SERPINI2: variants seen among roughly 807,000 people sequenced by gnomAD.
The protein encoded by SERPINI2 is serpin family I member 2.
A neutral mutation model predicts 47.3 loss-of-function variants in SERPINI2; 48 were observed. That is an observed-to-expected ratio of 1.02 (90% CI 0.81 to 1.29). SERPINI2 has a LOEUF of 1.29. Among genes scored for constraint, SERPINI2 ranks in the 50% most tolerant of loss-of-function variants. The pLI, the probability that SERPINI2 is intolerant of heterozygous loss-of-function variation, is 0.00. For missense variants in SERPINI2, 448 were observed against 456.9 expected (o/e 0.98, Z 0.18); for synonymous variants, 135 against 149.3 (o/e 0.90, Z 0.70).
upstream of SERPINI2, among the ~76,000 whole-genome samples, chr3:167,474,766 AATT>A (rs1750443047): frequency 6.6e-6 from 1 of 151,742 alleles, no homozygotes; most frequent in African/African-American, 2.4e-5. Context: ...AAAATTGCAT[AATT>A]TAATGGGTTT....
chr3:167,468,544 C>T (rs906137493), intron 2 of SERPINI2, among the ~76,000 whole-genome samples: 1 of 152,022 alleles, frequency 6.6e-6, no homozygotes, highest in South Asian at 2.1e-4. Flanking sequence ...AAGTATACTG[C>T]ATTATATTTC....
intron 8 of SERPINI2, 67 bp downstream of exon 8, chr3:167,446,325 A>G: frequency 9.8e-7 from 1 of 1,020,804 alleles, no homozygotes; most frequent in Non-Finnish European, 1.5e-6. Context: ...TGTACATTGC[A>G]ATTAGAAACT....
chr3:167,446,323 G>C (rs1577166656), intron 8 of SERPINI2, 69 bp downstream of exon 8: 3 of 985,516 alleles, frequency 3.0e-6, no homozygotes, highest in Non-Finnish European at 1.6e-6. Flanking sequence ...TATGTACATT[G>C]CAATTAGAAA....
intron 7 of SERPINI2, 99 bp downstream of exon 7, chr3:167,449,217 G>A (rs1180858360): frequency 1.2e-6 from 1 of 813,598 alleles, no homozygotes; most frequent in Non-Finnish European, 2.1e-6. Context: ...GACAGCAGAA[G>A]AGAAAAAGAA....
intron 5 of SERPINI2, among the ~76,000 whole-genome samples, chr3:167,459,414 T>C (rs906770415): frequency 6.6e-6 from 1 of 152,122 alleles, no homozygotes; most frequent in African/African-American, 2.4e-5. Context: ...AAGGATCTCA[T>C]ACTACATTTA....
At chr3:167,452,892 A>C in intron 6 of SERPINI2, 44 bp downstream of exon 6, 1 of 1,298,988 alleles carries the variant, frequency 7.7e-7, no homozygotes, top group Non-Finnish European at 1.1e-6. Context: ...TAGTCCTAAC[A>C]AAACAAATTA....
At chr3:167,446,716 T>G (rs1749489894) in intron 7 of SERPINI2, 2 of 264,394 alleles carry the variant, frequency 7.6e-6, no homozygotes, top group Non-Finnish European at 1.4e-5. Flanking sequence ...GTATGCTCAA[T>G]GAAGAAGCAA....
chr3:167,467,306 A>G, intron 2 of SERPINI2, 21 bp from the exon 3 acceptor site: 1 of 1,503,352 alleles, frequency 6.7e-7, no homozygotes, highest in Non-Finnish European at 9.2e-7. Context: ...ATTTTAATGT[A>G]TATTGGCATA....
In SERPINI2 at chr3:167,449,406, G is replaced by GT. The variant is rs762762791; in HGVS notation, c.965-5dup. The GT allele has an allele frequency of 1.0e-5, 16 of 1,580,970 alleles. No individual in the cohort carries two copies. In the Middle Eastern group the frequency reaches 5.0e-4, roughly 49 times the overall value. ...GAAACATACACTTCAGATGAATCTG[G>GT]TTAAAAAAAAATACACAAAAGTGTA... On this transcript the variant is annotated splice_polypyrimidine_tract_variant and splice_region_variant and intron_variant, in intron 6 of 8. Coordinates refer to ENST00000264677, the Ensembl canonical transcript of SERPINI2.
intron 5 of SERPINI2, among the ~76,000 whole-genome samples, chr3:167,458,245 CTTTTTTTTTTTTTT>C (rs949215365): frequency 9.5e-6 from 1 of 105,218 alleles, no homozygotes; most frequent in African/African-American, 3.9e-5. Flanking sequence ...GAATTTCTTT[CTTTTTTTTTTTTTT>C]TTTTTTTTTG....
At chr3:167,476,803 A>G (rs576573780), upstream of SERPINI2, among the ~76,000 whole-genome samples, 2 of 152,138 alleles carry the variant, frequency 1.3e-5, no homozygotes, top group South Asian at 2.1e-4. Context: ...ACCTAAAATA[A>G]TCTCTTATAC....
intron 7 of SERPINI2, among the ~76,000 whole-genome samples, chr3:167,448,604 G>T (rs1304301587): frequency 6.6e-6 from 1 of 152,160 alleles, no homozygotes; most frequent in South Asian, 2.1e-4. Flanking sequence ...CTCACTACAA[G>T]CTCTGCCTCC....
chr3:167,462,899 G>A (rs1337959381), intron 5 of SERPINI2, among the ~76,000 whole-genome samples: 1 of 152,184 alleles, frequency 6.6e-6, no homozygotes, highest in Non-Finnish European at 1.5e-5. Context: ...TTTTTGGACT[G>A]TGAAACATTC....
rs1750113179 is a variant in SERPINI2, at chr3:167,465,675, T to C, written c.479-2A>G. 3.7e-6 allele frequency: 6 copies of C among 1,605,360 alleles called. No individual in the cohort carries two copies. The African/African-American group carries it at 6.7e-5, about 18-fold the overall frequency. On this transcript the variant is annotated splice_acceptor_variant, in intron 3 of 8. Coordinates refer to ENST00000264677, the Ensembl canonical transcript of SERPINI2. LOFTEE classifies it high-confidence loss of function. ...CTGAAAACATGTCTTTAATTTTTCC[T>C]AGGAAGTGGGTGGAGGAGGAGGTAA...
intron 5 of SERPINI2, among the ~76,000 whole-genome samples, chr3:167,458,370 C>T (rs1749867412): frequency 6.6e-6 from 1 of 150,700 alleles, no homozygotes; most frequent in Admixed American, 6.6e-5. Flanking sequence ...CCTGCCTCAG[C>T]CTCCCGAGTA....
At chr3:167,460,860 C>T (rs1343760155) in intron 5 of SERPINI2, among the ~76,000 whole-genome samples, 3 of 152,064 alleles carry the variant, frequency 2.0e-5, no homozygotes, top group Non-Finnish European at 4.4e-5. Context: ...TTCAATAATA[C>T]TCATTTAGCA....
chr3:167,448,946 T>C (rs1297501496), intron 7 of SERPINI2, among the ~76,000 whole-genome samples: 1 of 152,090 alleles, frequency 6.6e-6, no homozygotes, highest in Non-Finnish European at 1.5e-5. Flanking sequence ...CTTGGTGTAA[T>C]GAAAGAATGA....
chr3:167,461,061 C>T (rs1340290710), intron 5 of SERPINI2, among the ~76,000 whole-genome samples: 1 of 152,114 alleles, frequency 6.6e-6, no homozygotes, highest in Non-Finnish European at 1.5e-5. Context: ...GATTGGTTCA[C>T]TCTAACTAGG....
At chr3:167,465,251 C>G in exon 5 of SERPINI2, 1 of 1,612,026 alleles carries the variant, frequency 6.2e-7, no homozygotes, top group Non-Finnish European at 8.5e-7. Context: ...CTCAGAGAGC[C>G]ATTTTAGGAT....
Sources: gnomAD v4.1 joint callset for allele counts (sites outside exome capture counted in the v4.1 genomes callset) on GRCh38, gnomAD v4.1.1 for gene constraint, MANE v1.5 for transcripts, NCBI Gene and HGNC (gene_info 2026-07-23, HGNC 2026-07-21) for gene names.